The following AMBRA1 variants were observed in gnomAD, a reference collection of about 807,000 sequenced individuals.
AMBRA1 encodes activating molecule in BECN1-regulated autophagy protein 1.
AMBRA1 carries 47 observed loss-of-function variants against 125.4 expected under a neutral mutation model. The ratio of observed to expected loss-of-function variants is 0.37; its 90% CI spans 0.30 to 0.48. The LOEUF is 0.48. Among genes scored for constraint, AMBRA1 ranks in the 20% least tolerant of loss-of-function variants. The pLI, the probability that AMBRA1 is intolerant of heterozygous loss-of-function variation, is 0.99. For missense variants in AMBRA1, 1,331 were observed against 1,693.4 expected, an observed-to-expected ratio of 0.79 and a Z score of 3.76; for synonymous variants, 626 against 655.5, an observed-to-expected ratio of 0.95 and a Z score of 0.69.
In AMBRA1 at chr11:46,405,058, C is replaced by T. The variant is rs142052715; in HGVS notation, c.3403+3455G>A. Among the ~76,000 whole-genome samples, 1,073 of 152,338 alleles carry T rather than the reference C, an allele frequency of 7.0e-3. 4 individuals are homozygous for T. Among genetic ancestry groups the T allele is most frequent in the Non-Finnish European group, 0.011 (734 of 68,040 alleles). On this transcript the variant is annotated intron_variant, in intron 17 of 17. Coordinates refer to ENST00000683756, the MANE Select transcript of AMBRA1 (RefSeq NM_001387011.1). ...CAGTTCTCCACATGCACCAGACATGCCATGAACACAAATTAGTGGTCCTTT... is the reference window on the plus strand; with the variant it reads ...CAGTTCTCCACATGCACCAGACATGTCATGAACACAAATTAGTGGTCCTTT...
In AMBRA1 at chr11:46,522,562, A is replaced by G. The variant is rs1486987574; in HGVS notation, c.2073-9749T>C. Among the ~76,000 whole-genome samples, 3 of 152,214 alleles carry G rather than the reference A, an allele frequency of 2.0e-5. No homozygotes were observed. In the East Asian group the frequency reaches 5.8e-4, roughly 29 times the overall value. On this transcript the variant is annotated intron_variant, in intron 7 of 17. Coordinates refer to ENST00000683756, the MANE Select transcript of AMBRA1 (RefSeq NM_001387011.1). ...CAGCTAGTTTTGATGCCACATGCAC[A>G]CATGCCCCCTACATGCAACAGGTGG...
At chr11:46,527,477 C>CAAAAAAAAAAAAAAAAAAAAAAAAAAAA (rs59904013) in intron 7 of AMBRA1, among the ~76,000 whole-genome samples, 3 of 25,924 alleles carry the variant, frequency 1.2e-4, no homozygotes, top group Non-Finnish European at 6.0e-5. Context: ...GAGACTGTCT[C>CAAAAAAAAAAAAAAAAAAAAAAAAAAAA]AAAAAAAAAA....
Position 46,417,984 on chromosome 11 carries a change from A to G in AMBRA1, c.3045T>C (p.Arg1015=), listed in dbSNP as rs1946621370. The change falls in exon 15 of 18, where the codon CGT becomes CGC. Residue 1015 remains arginine, a synonymous_variant. Transcript: ENST00000683756. The stretch of plus-strand genomic sequence containing the variant: ...AGCCAAGCCCTGGCTCAGGCAGCCA[A>G]CGGGCAGAGTTGATACTGACATGTC... ...QRRHVSINSA[R]WLPEPGLGLA... 1 of 1,611,740 alleles carries G rather than the reference A, an allele frequency of 6.2e-7. No individual in the cohort carries two copies. Among genetic ancestry groups the G allele is most frequent in the Non-Finnish European group, 8.5e-7 (1 of 1,178,298 alleles).
chr11:46,549,136 C>T (rs1315102266), intron 1 of AMBRA1: 1 of 151,286 alleles, frequency 6.6e-6, no homozygotes, highest in African/African-American at 2.4e-5. Flanking sequence ...ACAAGACTTA[C>T]AAGGAGAAAA....
chr11:46,590,838 G>A (rs954599817), intron 1 of AMBRA1, among the ~76,000 whole-genome samples: 5 of 151,748 alleles, frequency 3.3e-5, no homozygotes, highest in African/African-American at 7.3e-5. Flanking sequence ...GCTTCAATCC[G>A]GGAAGTGGAG....
At chr11:46,442,416 T>A (rs1193356224) in intron 12 of AMBRA1, among the ~76,000 whole-genome samples, 2 of 152,040 alleles carry the variant, frequency 1.3e-5, no homozygotes, top group Non-Finnish European at 2.9e-5. Flanking sequence ...GTGCTGAGAT[T>A]ACAGGTGTGA....
chr11:46,418,129 A>G, intron 14 of AMBRA1, 77 bp from the exon 15 acceptor site: 1 of 1,398,610 alleles, frequency 7.1e-7, no homozygotes. Flanking sequence ...AAATCCAGGG[A>G]GAAACAAATT....
chr11:46,591,881 C>G (rs2044611222), intron 1 of AMBRA1, among the ~76,000 whole-genome samples: 1 of 151,626 alleles, frequency 6.6e-6, no homozygotes, highest in Admixed American at 6.6e-5. Context: ...CAAAAAAACG[C>G]TCTCTTACTG....
intron 11 of AMBRA1, among the ~76,000 whole-genome samples, chr11:46,461,559 A>G (rs1949089268): frequency 6.6e-6 from 1 of 152,252 alleles, no homozygotes; most frequent in African/African-American, 2.4e-5. Flanking sequence ...ATAATTGGCT[A>G]AAGTTAAATA....
chr11:46,402,163 G>T (rs1413908804), intron 17 of AMBRA1, among the ~76,000 whole-genome samples: 1 of 152,130 alleles, frequency 6.6e-6, no homozygotes, highest in Non-Finnish European at 1.5e-5. Flanking sequence ...CTCTCTTCTG[G>T]CCTATAAGTT....
At chr11:46,477,945 T>C (rs1428437490) in intron 11 of AMBRA1, among the ~76,000 whole-genome samples, 1 of 151,902 alleles carries the variant, frequency 6.6e-6, no homozygotes, top group Non-Finnish European at 1.5e-5. Flanking sequence ...AGCTAATTTT[T>C]GTATTTTAAA....
chr11:46,545,501 C>T, intron 5 of AMBRA1, 103 bp downstream of exon 5: 1 of 1,394,164 alleles, frequency 7.2e-7, no homozygotes, highest in South Asian at 1.4e-5. Context: ...GACAACTTGC[C>T]CTGAGCAGGG....
At chr11:46,573,664 T>C (rs2043846984) in intron 1 of AMBRA1, among the ~76,000 whole-genome samples, 1 of 73,624 alleles carries the variant, frequency 1.4e-5, no homozygotes. Context: ...ATCCTTTTTC[T>C]TTTTTTTTTT....
intron 11 of AMBRA1, among the ~76,000 whole-genome samples, chr11:46,465,652 G>A (rs1364003179): frequency 6.6e-6 from 1 of 152,122 alleles, no homozygotes; most frequent in Non-Finnish European, 1.5e-5. Context: ...AGACTGCATA[G>A]GGCTTTATTT....
intron 1 of AMBRA1, among the ~76,000 whole-genome samples, chr11:46,592,557 A>T (rs976633889): frequency 6.6e-6 from 1 of 152,088 alleles, no homozygotes; most frequent in Non-Finnish European, 1.5e-5. Context: ...CAGGAGTTCA[A>T]GACCAGCCTG....
intron 11 of AMBRA1, 28 bp from the exon 12 acceptor site, chr11:46,443,626 C>G: frequency 6.4e-7 from 1 of 1,566,924 alleles, no homozygotes; most frequent in Non-Finnish European, 8.8e-7. Flanking sequence ...AAAGACAGCA[C>G]ATTATATTAT....
chr11:46,566,752 T>C (rs914427928), intron 1 of AMBRA1, among the ~76,000 whole-genome samples: 1 of 152,212 alleles, frequency 6.6e-6, no homozygotes, highest in African/African-American at 2.4e-5. Flanking sequence ...AACCAATCCA[T>C]CTTGCCTTTA....
At chr11:46,518,207 A>T in intron 7 of AMBRA1, 1 of 384,844 alleles carries the variant, frequency 2.6e-6, no homozygotes, top group Non-Finnish European at 3.6e-6. Context: ...AGGTGGGCAG[A>T]TCACCTGAGG....
intron 14 of AMBRA1, among the ~76,000 whole-genome samples, 172 bp from the exon 15 acceptor site, chr11:46,418,224 T>C (rs1237713896): frequency 6.9e-6 from 1 of 145,438 alleles, no homozygotes; most frequent in African/African-American, 2.5e-5. Flanking sequence ...TCTATTTTAT[T>C]ATTTATATAT....
Sources: allele counts gnomAD v4.1 joint callset (sites outside exome capture counted in the v4.1 genomes callset), GRCh38; gene constraint gnomAD v4.1.1; transcripts MANE v1.5; gene names NCBI Gene and HGNC (gene_info 2026-07-23, HGNC 2026-07-21).